ITGAX: variants seen among roughly 807,000 people sequenced by gnomAD.
ITGAX encodes integrin subunit alpha X.
Under a neutral mutation model 140.2 loss-of-function variants are expected in ITGAX, and 99 were observed. The ratio of observed to expected loss-of-function variants is 0.71; its 90% CI spans 0.60 to 0.83. ITGAX has a LOEUF of 0.83. ITGAX is among the 40% of genes least tolerant of loss of function. The pLI is 0.00. For synonymous variants in ITGAX, 631 were observed against 600.4 expected, an observed-to-expected ratio of 1.05 and a Z score of -0.75; for missense variants, 1,444 against 1,482.0, an observed-to-expected ratio of 0.97 and a Z score of 0.42.
Position 31,356,718 on chromosome 16 carries a change from C to A in ITGAX, c.237C>A (p.Ile79=), listed in dbSNP as rs752826732. ...ACAGCACTGGTGCCTGTGAGCCCATCGGCCTGCAGGGTGAGTCACCGCCCC... is the reference window on the plus strand; with the variant it reads ...ACAGCACTGGTGCCTGTGAGCCCATAGGCCTGCAGGGTGAGTCACCGCCCC... ...CGYSTGACEP[I]GLQVPPEAVN... Residue 79 remains isoleucine (I), a synonymous_variant, in exon 3 of 30, where the codon ATC becomes ATA. Coordinates refer to ENST00000268296, the MANE Select transcript of ITGAX (RefSeq NM_000887.5). 2.5e-6 allele frequency: 4 copies of A among 1,586,676 alleles called. No individual in the cohort carries two copies. The East Asian group carries it at 6.8e-5, about 27-fold the overall frequency.
chr16:31,363,364 C>T lies in ITGAX; in HGVS notation c.1700C>T (p.Ser567Phe). ...GTCTTGGGACCCAGCATCAGCCCCTCCCACAGCCAGGTGAGGCCGTGTCCC... is the reference window on the plus strand; with the variant it reads ...GTCTTGGGACCCAGCATCAGCCCCTTCCACAGCCAGGTGAGGCCGTGTCCC... The part of the protein sequence containing the change: ...HGVLGPSISP[S>F]HSQRIAGSQL... The change falls in exon 14 of 30, where the codon TCC (serine) becomes TTC (phenylalanine). Residue 567 changes from serine to phenylalanine, a missense_variant. Coordinates refer to ENST00000268296, the MANE Select transcript of ITGAX (RefSeq NM_000887.5). The T allele has an allele frequency of 6.2e-7, 1 of 1,613,698 alleles. No individual in the cohort carries two copies. The highest frequency in any genetic ancestry group is 8.5e-7 in the Non-Finnish European group (1 of 1,179,708).
At chr16:31,355,845 G>C (rs745497152) in intron 1 of ITGAX, 48 bp from the exon 2 acceptor site, 1 of 1,450,182 alleles carries the variant, frequency 6.9e-7, no homozygotes, top group East Asian at 2.3e-5. Flanking sequence ...GGGCAGCCAG[G>C]CAGAAGGAAG....
Position 31,355,917 on chromosome 16 carries a change from A to C in ITGAX, c.62A>C (p.Asn21Thr). 3.1e-6 allele frequency: 5 copies of C among 1,613,696 alleles called. No homozygotes were observed. The highest frequency in any genetic ancestry group is 4.2e-6 in the Non-Finnish European group (5 of 1,179,712). ...GCCTTAGCAACTTCTCTAGGTTTCA[A>C]CTTGGACACAGAGGAGCTGACAGCC... Reference protein sequence around the residue: ...FTALATSLGFNLDTEELTAFR... With the variant: ...FTALATSLGFTLDTEELTAFR... The change falls in exon 2 of 30, where the codon AAC (asparagine) becomes ACC (threonine). Residue 21 changes from asparagine to threonine, a missense_variant. By Grantham distance (65) the Asn-to-Thr change is moderately conservative (BLOSUM62 0). Coordinates refer to ENST00000268296, the MANE Select transcript of ITGAX (RefSeq NM_000887.5).
chr16:31,375,106 C>G (rs2081007936), intron 20 of ITGAX, among the ~76,000 whole-genome samples: 1 of 152,206 alleles, frequency 6.6e-6, no homozygotes, highest in Admixed American at 6.5e-5. Context: ...GCCTCTGCCT[C>G]CCGAATTCAA....
At position 31,356,012 on chromosome 16, in the gene ITGAX, G is replaced by T; in HGVS notation, c.143+14G>T. The T allele has an allele frequency of 6.3e-7, 1 of 1,588,020 alleles. No individual in the cohort carries two copies. Among genetic ancestry groups the T allele is most frequent in the Non-Finnish European group, 8.6e-7 (1 of 1,159,078 alleles). On this transcript the variant is annotated intron_variant, in intron 2 of 29. Coordinates refer to ENST00000268296, the MANE Select transcript of ITGAX (RefSeq NM_000887.5). Reference sequence around the variant, plus strand: ...TGCCAACTCCTGGTGAGGCCCAGGTGGTGCTGGCCTTTGGCTCCATCCATC... The same window carrying T: ...TGCCAACTCCTGGTGAGGCCCAGGTTGTGCTGGCCTTTGGCTCCATCCATC...
rs531481510 is a variant in ITGAX at position 31,364,471 on chromosome 16, G to A, written c.1710+1097G>A. ...AAAAAAGGGCAAAGGATTTGGATAG[G>A]GTAGACGTTTCTCCAAAGAAGAGGT... is the stretch of plus-strand genomic sequence containing the variant. On this transcript the variant is annotated intron_variant, in intron 14 of 29. Transcript: ENST00000268296. Among the ~76,000 whole-genome samples the A allele has an allele frequency of 4.0e-5, 6 of 150,944 alleles. No homozygotes were observed. The South Asian group carries it at 1.3e-3, about 32-fold the overall frequency.
At chr16:31,380,220 C>T in intron 26 of ITGAX, 46 bp from the exon 27 acceptor site, 1 of 1,592,084 alleles carries the variant, frequency 6.3e-7, no homozygotes, top group South Asian at 1.1e-5. Flanking sequence ...TGCCTCCCAC[C>T]TTCACACTCA....
chr16:31,381,977 C>CTGTTTT lies in ITGAX; in HGVS notation c.*72_*73insTTTTTG. ...ACTTACTTACCCTCACCTGTCAGGC[C>CTGTTTT]TGACGGGGAGGAACCACTGCACCAC... On this transcript the variant is annotated 3_prime_UTR_variant, in exon 30 of 30. Coordinates refer to ENST00000268296, the MANE Select transcript of ITGAX (RefSeq NM_000887.5). The CTGTTTT allele has an allele frequency of 6.7e-7, 1 of 1,490,666 alleles. No individual in the cohort carries two copies. The highest frequency in any genetic ancestry group is 1.2e-5 in the South Asian group (1 of 83,730). The allele number at this position is 1,490,666 out of a possible 1,614,324, so 92.3% of individuals were successfully genotyped here.
At chr16:31,362,834 G>A in intron 12 of ITGAX, 81 bp downstream of exon 12, 1 of 1,605,736 alleles carries the variant, frequency 6.2e-7, no homozygotes, top group Non-Finnish European at 8.5e-7. Flanking sequence ...GGGGCTTTGA[G>A]GGCCTTGGGG....
chr16:31,372,632 C>T lies in ITGAX; in HGVS notation c.2328C>T (p.Ile776=), dbSNP rs778454920. The change falls in exon 19 of 30, where the codon ATC becomes ATT. Residue 776 remains isoleucine, a synonymous_variant. Coordinates refer to ENST00000268296, the MANE Select transcript of ITGAX (RefSeq NM_000887.5). ...PFEKNCGADH[I]CQDNLGISFS... ...AGAAGAACTGTGGAGCCGACCATAT[C>T]TGCCAGGACAATCTCGGCATCTCCT... 4.0e-5 allele frequency: 64 copies of T among 1,614,026 alleles called. No homozygotes were observed. The highest frequency in any genetic ancestry group is 5.3e-5 in the Non-Finnish European group (62 of 1,179,998).
chr16:31,380,801 G>A, intron 28 of ITGAX, 96 bp from the exon 29 acceptor site: 3 of 1,290,188 alleles, frequency 2.3e-6, no homozygotes, highest in Non-Finnish European at 3.3e-6. Flanking sequence ...GCAGGGCCTG[G>A]GGAAGGAGGG....
chr16:31,363,285 A>T lies in ITGAX; in HGVS notation c.1621A>T (p.Ile541Phe). ...TGGGGACAAGCTGACAGACGTGGTC[A>T]TCGGGGCCCCAGGAGAGGAGGAGAA... ...VNGDKLTDVVIGAPGEEENRG... is the reference protein window; with the variant it reads ...VNGDKLTDVVFGAPGEEENRG... Residue 541 changes from isoleucine (I) to phenylalanine (F), a missense_variant, in exon 14 of 30, where the codon ATC (isoleucine) becomes TTC (phenylalanine). Ile to Phe is a conservative substitution (Grantham distance 21). Transcript: ENST00000268296. 3 of 1,613,962 alleles carry T rather than the reference A, an allele frequency of 1.9e-6. No individual in the cohort carries two copies. The highest frequency in any genetic ancestry group is 2.5e-6 in the Non-Finnish European group (3 of 1,179,908).
chr16:31,356,996 C>T (rs2080767987), intron 3 of ITGAX, 35 bp from the exon 4 acceptor site: 1 of 1,563,320 alleles, frequency 6.4e-7, no homozygotes, highest in South Asian at 1.1e-5. Context: ...TCTCTGTACC[C>T]CCGAGAGTGA....
intron 17 of ITGAX, 133 bp downstream of exon 17, chr16:31,371,917 C>T: frequency 9.5e-7 from 1 of 1,050,034 alleles, no homozygotes; most frequent in Non-Finnish European, 1.4e-6. Flanking sequence ...GACGTGCTTA[C>T]TGCACGTTAG....
intron 23 of ITGAX, among the ~76,000 whole-genome samples, chr16:31,378,818 CTTTT>C (rs11324230): frequency 2.9e-5 from 4 of 137,730 alleles, no homozygotes; most frequent in South Asian, 2.3e-4. Context: ...GACTCTCTCT[CTTTT>C]TTTTTTTTTT....
In ITGAX at chr16:31,371,231, T is replaced by C; in HGVS notation, c.1841+17T>C. ...CCTGCTCAGGTGAGAGCAGCCTTTC[T>C]CAGAGGCTCCCCAGGTGGTCCTAGG... On this transcript the variant is annotated intron_variant, in intron 15 of 29. Transcript: ENST00000268296. 1 of 1,602,980 alleles carries C rather than the reference T, an allele frequency of 6.2e-7. No individual in the cohort carries two copies. The highest frequency in any genetic ancestry group is 8.5e-7 in the Non-Finnish European group (1 of 1,173,602).
At chr16:31,380,227 C>G in intron 26 of ITGAX, 39 bp from the exon 27 acceptor site, 1 of 1,598,066 alleles carries the variant, frequency 6.3e-7, no homozygotes, top group Non-Finnish European at 8.6e-7. Context: ...CACCTTCACA[C>G]TCATCTTTCT....
intron 14 of ITGAX, among the ~76,000 whole-genome samples, chr16:31,367,431 A>C (rs2080902970): frequency 6.6e-6 from 1 of 152,208 alleles, no homozygotes; most frequent in African/African-American, 2.4e-5. Context: ...CTCTTGTTAG[A>C]GGCTAATGCA....
At chr16:31,356,888 C>A in intron 3 of ITGAX, 143 bp from the exon 4 acceptor site, 1 of 835,400 alleles carries the variant, frequency 1.2e-6, no homozygotes, top group Non-Finnish European at 1.9e-6. Flanking sequence ...CCGCCCATCG[C>A]ACTCCCGCAG....
Sources: gnomAD v4.1 joint callset for allele counts (sites outside exome capture counted in the v4.1 genomes callset) on GRCh38, gnomAD v4.1.1 for gene constraint, MANE v1.5 for transcripts, NCBI Gene and HGNC (gene_info 2026-07-23, HGNC 2026-07-21) for gene names.